The following CUBN variants were observed in gnomAD, a reference collection of about 807,000 sequenced individuals.
CUBN encodes 460 kDa receptor.
CUBN carries 282 observed loss-of-function variants against 405.3 expected under a neutral mutation model. The observed-to-expected ratio is 0.70, with a 90% CI of 0.63 to 0.77. The LOEUF is 0.77. Among genes scored for constraint, CUBN ranks in the 30% least tolerant of loss-of-function variants. CUBN has a pLI of 0.00. For synonymous variants in CUBN, 1,684 were observed against 1,617.0 expected, an observed-to-expected ratio of 1.04 and a Z score of -0.99; for missense variants, 4,514 against 4,475.2, an observed-to-expected ratio of 1.01 and a Z score of -0.25.
Position 16,940,241 on chromosome 10 carries a change from A to AT in CUBN, c.5343-5dup, listed in dbSNP as rs754346653. 1.6e-4 allele frequency: 264 copies of AT among 1,613,156 alleles called. No individual in the cohort carries two copies. Among genetic ancestry groups the AT allele is most frequent in the South Asian group, 3.7e-4 (34 of 91,064 alleles). On this transcript the variant is annotated splice_polypyrimidine_tract_variant and splice_region_variant and intron_variant, in intron 36 of 66. Coordinates refer to ENST00000377833, the MANE Select transcript of CUBN (RefSeq NM_001081.4). ...AGAGTCTTCCAACTGGAAAGATCTGATTTGGGGAAAAAAATATTTAAAGGG... is the reference window on the plus strand; with the variant it reads ...AGAGTCTTCCAACTGGAAAGATCTGATTTTGGGGAAAAAAATATTTAAAGGG...
rs1366190081 is a variant in CUBN, at chr10:17,046,021, G to C, written c.3403C>G (p.His1135Asp). Reference protein sequence around the residue: ...GSNLPPTIISHSNKLWLKFKS... With the variant: ...GSNLPPTIISDSNKLWLKFKS... ...AATTTTAACCATAGTTTGTTACTAT[G>C]AGAGATGATTGTTGGGGGTAGATTT... is the stretch of plus-strand genomic sequence containing the variant. The change falls in exon 24 of 67, where the codon CAT becomes GAT. Residue 1135 changes from histidine (H) to aspartate (D), a missense_variant. His to Asp is a moderately conservative substitution (Grantham distance 81). Transcript: ENST00000377833. The C allele has an allele frequency of 6.2e-7, 1 of 1,613,522 alleles. No homozygotes were observed. Among genetic ancestry groups the C allele is most frequent in the Non-Finnish European group, 8.5e-7 (1 of 1,179,634 alleles).
intron 7 of CUBN, among the ~76,000 whole-genome samples, chr10:17,114,659 A>G (rs1037361897): frequency 3.4e-4 from 51 of 152,210 alleles, no homozygotes; most frequent in African/African-American, 1.2e-3. Flanking sequence ...AACTAAAAAT[A>G]AAGAATTGAA....
intron 21 of CUBN, among the ~76,000 whole-genome samples, chr10:17,066,542 T>A (rs549030706): frequency 1.3e-5 from 2 of 151,932 alleles, no homozygotes; most frequent in East Asian, 3.9e-4. Flanking sequence ...TGAAAAAAAA[T>A]TTAATATCTT....
At chr10:17,101,013 AC>A (rs1270066485) in intron 13 of CUBN, among the ~76,000 whole-genome samples, 2 of 152,232 alleles carry the variant, frequency 1.3e-5, no homozygotes, top group Non-Finnish European at 2.9e-5. Flanking sequence ...TTTGAGATAA[AC>A]AATCAAAAGA....
chr10:17,074,162 A>G (rs1835801654), intron 17 of CUBN, among the ~76,000 whole-genome samples: 1 of 152,230 alleles, frequency 6.6e-6, no homozygotes, highest in Non-Finnish European at 1.5e-5. Context: ...ATACCATGAA[A>G]CAGTCACTGC....
At chr10:17,081,762 C>T (rs138121523) in intron 17 of CUBN, among the ~76,000 whole-genome samples, 4 of 152,226 alleles carry the variant, frequency 2.6e-5, no homozygotes, top group Admixed American at 2.0e-4. Flanking sequence ...CATAGAGGTA[C>T]ATCTAAGTTT....
At chr10:17,103,352 A>C in intron 12 of CUBN, 115 bp from the exon 13 acceptor site, 1 of 717,066 alleles carries the variant, frequency 1.4e-6, no homozygotes, top group East Asian at 2.7e-5. Context: ...AAGGTTGGAG[A>C]TAAAAGCCCT....
chr10:16,947,433 G>A, intron 35 of CUBN, 66 bp from the exon 36 acceptor site: 1 of 1,508,552 alleles, frequency 6.6e-7, no homozygotes, highest in Non-Finnish European at 9.2e-7. Flanking sequence ...TAAAATAAAG[G>A]AGAAAGAACG....
At position 16,982,474 on chromosome 10, in the gene CUBN, T is replaced by C. The variant is rs778879659; in HGVS notation, c.4695+10A>G. 5.0e-6 allele frequency: 8 copies of C among 1,610,496 alleles called. No individual in the cohort carries two copies. Among genetic ancestry groups the C allele is most frequent in the Non-Finnish European group, 1.7e-6 (2 of 1,176,984 alleles). On this transcript the variant is annotated intron_variant, in intron 31 of 66. Transcript: ENST00000377833. ...GACTGGAGACAATGCTTGAAATTTA[T>C]GTCACTTACCATAATACAAGAGTCT...
chr10:17,046,815 G>T (rs144448456), intron 23 of CUBN, among the ~76,000 whole-genome samples: 1 of 152,080 alleles, frequency 6.6e-6, no homozygotes, highest in African/African-American at 2.4e-5. Flanking sequence ...ATGCCCACCA[G>T]AATGATTAGC....
rs41457851 is a variant in CUBN, at chr10:16,980,941, A to C, written c.4695+1543T>G. Among the ~76,000 whole-genome samples, 743 of 152,254 alleles carry C rather than the reference A, an allele frequency of 4.9e-3. 10 individuals are homozygous for C. The highest frequency in any genetic ancestry group is 0.017 in the African/African-American group (723 of 41,552). On this transcript the variant is annotated intron_variant, in intron 31 of 66. Coordinates refer to ENST00000377833, the MANE Select transcript of CUBN (RefSeq NM_001081.4). Reference sequence around the variant, plus strand: ...TAGAACTTCATTCACTCTTATATGAAGCGCAAAGCATTAGTTTCAGGTAGG... The same window carrying C: ...TAGAACTTCATTCACTCTTATATGACGCGCAAAGCATTAGTTTCAGGTAGG...
At chr10:17,008,453 TGTGTGTGTGTGC>T (rs1009283094) in intron 28 of CUBN, among the ~76,000 whole-genome samples, 3 of 147,826 alleles carry the variant, frequency 2.0e-5, no homozygotes, top group African/African-American at 7.7e-5. Flanking sequence ...TGTGTGTGTG[TGTGTGTGTGTGC>T]GCGCTTAGCC....
intron 22 of CUBN, among the ~76,000 whole-genome samples, chr10:17,059,734 T>C (rs1467638423): frequency 6.6e-6 from 1 of 152,214 alleles, no homozygotes; most frequent in South Asian, 2.1e-4. Context: ...ACTCAACATT[T>C]TGCTACAATT....
chr10:16,962,041 C>A (rs937921063), intron 31 of CUBN, among the ~76,000 whole-genome samples: 1 of 152,126 alleles, frequency 6.6e-6, no homozygotes, highest in African/African-American at 2.4e-5. Flanking sequence ...ACGAAAATAT[C>A]TTCATAGGCT....
In CUBN at chr10:17,104,557, C is replaced by T. The variant is rs765393005; in HGVS notation, c.1279G>A (p.Val427Ile). 6.2e-7 allele frequency: 1 copy of T among 1,613,816 alleles called. No homozygotes were observed. Among genetic ancestry groups the T allele is most frequent in the Non-Finnish European group, 8.5e-7 (1 of 1,179,956 alleles). ...TCATTGATGTTTTCTGTACAGTTGACACCTGTCCAACCTGAGTCACACTTA... is the reference window on the plus strand; with the variant it reads ...TCATTGATGTTTTCTGTACAGTTGATACCTGTCCAACCTGAGTCACACTTA... ...FCKCDSGWTG[V>I]NCTENINECL... is the part of the protein sequence containing the mutation. The change falls in exon 12 of 67, where the codon GTC becomes ATC. Residue 427 changes from valine (V) to isoleucine (I), a missense_variant. Val to Ile is a conservative substitution (Grantham distance 29). This residue lies in a region of CUBN where 1,448 missense variants were observed against 1,388.0 expected (regional missense o/e 1.04). Coordinates refer to ENST00000377833, the MANE Select transcript of CUBN (RefSeq NM_001081.4).
rs182162293 is a variant in CUBN, at chr10:16,948,491, G to A, written c.5196C>T (p.Thr1732=). The change falls in exon 35 of 67, where the codon ACC becomes ACT. Residue 1732 remains threonine (T), a synonymous_variant. Transcript: ENST00000377833. ...AGGGTTTCTTACCCGACACTGATGC[G>A]GTGACCGTGGTGTGGAAACCCCCAG... The part of the protein sequence containing the change: ...ISAGGFHTTV[T]ASVSACGGTF... The A allele has an allele frequency of 1.2e-4, 191 of 1,613,920 alleles. 2 individuals are homozygous for A. The African/African-American group carries it at 1.9e-3, about 16-fold the overall frequency.
intron 28 of CUBN, among the ~76,000 whole-genome samples, chr10:17,005,794 ATC>A (rs1377783461): frequency 2.2e-4 from 33 of 152,300 alleles, no homozygotes; most frequent in Admixed American, 2.1e-3. Flanking sequence ...GCTGAATTGT[ATC>A]TCTGCCAAAA....
In CUBN at chr10:16,951,622, G is replaced by A. The variant is rs550593618; in HGVS notation, c.4969+654C>T. On this transcript the variant is annotated intron_variant, in intron 33 of 66. Transcript: ENST00000377833. Reference sequence around the variant, plus strand: ...TGAGGGGCATTTCCTGATGTTCTCTGTCTGTAAAATGAGGACAGAAGTCCT... The same window carrying A: ...TGAGGGGCATTTCCTGATGTTCTCTATCTGTAAAATGAGGACAGAAGTCCT... 2.0e-5 allele frequency among the ~76,000 whole-genome samples: 3 copies of A among 152,296 alleles called. No homozygotes were observed. In the South Asian group the frequency reaches 6.2e-4, roughly 32 times the overall value.
chr10:17,034,240 G>A (rs1373316871), intron 27 of CUBN, among the ~76,000 whole-genome samples: 1 of 152,166 alleles, frequency 6.6e-6, no homozygotes, highest in Non-Finnish European at 1.5e-5. Flanking sequence ...TGCCCGATAA[G>A]GAAAAGGGGG....
Sources: gnomAD v4.1 joint callset for allele counts (sites outside exome capture counted in the v4.1 genomes callset) on GRCh38, gnomAD v4.1.1 for gene constraint, gnomAD v4.1.1 regional missense constraint, MANE v1.5 for transcripts, NCBI Gene and HGNC (gene_info 2026-07-23, HGNC 2026-07-21) for gene names.